CSF2RA: variants seen among roughly 807,000 people sequenced by gnomAD.
CSF2RA encodes the protein colony stimulating factor 2 receptor subunit alpha, also known as granulocyte-macrophage colony-stimulating factor receptor subunit alpha.
CSF2RA carries 42 observed loss-of-function variants against 51.6 expected under a neutral mutation model. The observed-to-expected ratio is 0.81, with a 90% confidence interval of 0.64 to 1.05. The LOEUF is 1.05. Among genes scored for constraint, CSF2RA ranks in the 50% least tolerant of loss-of-function variants. The pLI, the probability that CSF2RA is intolerant of heterozygous loss-of-function variation, is 0.00. For missense variants in CSF2RA, 530 were observed against 501.1 expected (o/e 1.06, Z -0.55); for synonymous variants, 222 against 193.0 (o/e 1.15, Z -1.24).
intron 7 of CSF2RA, among the ~76,000 whole-genome samples, chrX:1,292,310 A>G (rs1254545566): frequency 6.6e-6 from 1 of 152,226 alleles, no homozygotes; most frequent in Non-Finnish European, 1.5e-5. Flanking sequence ...GCCCTTCCAC[A>G]CATGTGGGTA....
the CSF2RA span, among the ~76,000 whole-genome samples, chrX:1,323,878 G>T: frequency 6.6e-6 from 1 of 152,016 alleles, no homozygotes; most frequent in Non-Finnish European, 1.5e-5. Context: ...GCCGGGCGTG[G>T]TGGTGGGCGC....
At chrX:1,277,855 T>G (rs1361709571) in intron 2 of CSF2RA, among the ~76,000 whole-genome samples, 1 of 148,526 alleles carries the variant, frequency 6.7e-6, no homozygotes, top group African/African-American at 2.5e-5. Context: ...TGCGTGCCTG[T>G]AGTCCCAGCT....
chrX:1,318,662 A>G, the CSF2RA span, among the ~76,000 whole-genome samples: 1 of 151,270 alleles, frequency 6.6e-6, no homozygotes, highest in Non-Finnish European at 1.5e-5. Flanking sequence ...TCACGCCTGT[A>G]ATCCCAACAC....
chrX:1,314,965 C>A (rs1470125282), downstream of CSF2RA, among the ~76,000 whole-genome samples: 1,383 of 54,718 alleles, frequency 0.025, 161 homozygotes, highest in African/African-American at 0.082. Context: ...CTGCCCAACC[C>A]CACTGTGCCT....
intron 2 of CSF2RA, among the ~76,000 whole-genome samples, chrX:1,278,171 T>C (rs1485200855): frequency 3.5e-5 from 5 of 143,262 alleles, no homozygotes; most frequent in African/African-American, 1.3e-4. Flanking sequence ...CCATCTCTAC[T>C]AAAAATACAA....
chrX:1,282,541 A>G lies in CSF2RA; in HGVS notation c.-26-137A>G, dbSNP rs28733318. Reference sequence around the variant, plus strand: ...GCCCTGCAGACCTTCCCAGCTGGCCATGACCCCTCATTTGACCAGGTCAGC... The same window carrying G: ...GCCCTGCAGACCTTCCCAGCTGGCCGTGACCCCTCATTTGACCAGGTCAGC... On this transcript the variant is annotated intron_variant, in intron 2 of 12. Transcript: ENST00000381529. The G allele has an allele frequency of 0.1, 76,337 of 747,374 alleles. 4,617 individuals carry two copies. Among genetic ancestry groups the G allele is most frequent in the Admixed American group, 0.17 (8,993 of 53,692 alleles). 46.3% of individuals were successfully genotyped at this position (747,374 alleles called of 1,614,324 possible).
intron 2 of CSF2RA, among the ~76,000 whole-genome samples, chrX:1,281,179 T>C (rs2089991455): frequency 8.2e-6 from 1 of 122,544 alleles, no homozygotes. Flanking sequence ...CTCCTTCTCC[T>C]CCTTCTCCTT....
intron 12 of CSF2RA, among the ~76,000 whole-genome samples, chrX:1,308,519 C>A (rs2083904931): frequency 6.6e-6 from 1 of 152,014 alleles, no homozygotes; most frequent in South Asian, 2.1e-4. Flanking sequence ...TGGCCCTCTC[C>A]CACCCACCTC....
At chrX:1,291,553 G>T (rs1487445223) in intron 7 of CSF2RA, among the ~76,000 whole-genome samples, 2 of 151,582 alleles carry the variant, frequency 1.3e-5, no homozygotes, top group African/African-American at 4.8e-5. Context: ...CAAGCCCACC[G>T]CATCCCACCC....
chrX:1,312,798 C>T (rs1286059998), downstream of CSF2RA, among the ~76,000 whole-genome samples: 3 of 152,064 alleles, frequency 2.0e-5, no homozygotes, highest in Admixed American at 1.3e-4. Flanking sequence ...AAACCCCAGC[C>T]GGCCCCTTGC....
chrX:1,309,598 C>A lies in CSF2RA; in HGVS notation c.*119C>A, dbSNP rs2084038094. On this transcript the variant is annotated 3_prime_UTR_variant, in exon 13 of 13. Transcript: ENST00000381529. ...TCTATGTTTTTATTTAAAAACATGA[C>A]ATTTGGGGCCAGGCGCGGTGGCTCA... The A allele has an allele frequency of 6.2e-7, 1 of 1,613,352 alleles. No individual in the cohort carries two copies. The highest frequency in any genetic ancestry group is 1.7e-5 in the Admixed American group (1 of 59,990).
downstream of CSF2RA, among the ~76,000 whole-genome samples, chrX:1,312,302 G>A (rs1394707415): frequency 3.3e-5 from 5 of 152,070 alleles, no homozygotes; most frequent in African/African-American, 1.2e-4. Flanking sequence ...ATCTCTCCAT[G>A]GCAATATCCC....
intron 2 of CSF2RA, 110 bp from the exon 3 acceptor site, chrX:1,282,568 G>A: frequency 1.2e-6 from 1 of 821,970 alleles, no homozygotes. Context: ...CAGGTCAGCG[G>A]CTGACCACCA....
At chrX:1,282,901 A>C in intron 3 of CSF2RA, 122 bp downstream of exon 3, 1 of 893,212 alleles carries the variant, frequency 1.1e-6, no homozygotes, top group Non-Finnish European at 1.9e-6. Flanking sequence ...GAGGGACCCA[A>C]TAAGCACCAG....
intron 10 of CSF2RA, among the ~76,000 whole-genome samples, chrX:1,301,658 G>A (rs1211532849): frequency 2.1e-5 from 3 of 143,032 alleles, no homozygotes; most frequent in African/African-American, 5.2e-5. Context: ...GTCCAGTGGC[G>A]CAATCTCGGC....
chrX:1,285,995 G>A (rs2090602663), intron 4 of CSF2RA, 75 bp downstream of exon 4: 5 of 1,596,676 alleles, frequency 3.1e-6, no homozygotes, highest in Non-Finnish European at 4.3e-6. Flanking sequence ...AGGGCCGGCT[G>A]GGCGCGGCGG....
chrX:1,300,029 A>G (rs1376010136), intron 9 of CSF2RA, among the ~76,000 whole-genome samples: 3 of 151,408 alleles, frequency 2.0e-5, no homozygotes, highest in Non-Finnish European at 4.4e-5. Flanking sequence ...CATCCTGGCC[A>G]ACATGGTGAA....
intron 12 of CSF2RA, among the ~76,000 whole-genome samples, chrX:1,308,221 A>G (rs2083874523): frequency 6.6e-6 from 1 of 152,100 alleles, no homozygotes; most frequent in African/African-American, 2.4e-5. Context: ...ATAACTGGGG[A>G]CTGTAGCCTA....
rs764788305 is a variant in CSF2RA, at chrX:1,269,110, AAAAAT to A, written c.-91+246_-91+250del. ...TGCAGGTTTTTAAAGGCAAAATTAA[AAAAAT>A]AAAATAAAATAAAAAGAGGGAGGTG... On this transcript the variant is annotated intron_variant, in intron 1 of 12. Transcript: ENST00000381529. Among the ~76,000 whole-genome samples, 936 of 152,210 alleles carry A rather than the reference AAAAAT, an allele frequency of 6.1e-3. 9 individuals are homozygous for A. The highest frequency in any genetic ancestry group is 0.02 in the African/African-American group (840 of 41,530).
Sources: gnomAD v4.1 joint callset for allele counts (sites outside exome capture counted in the v4.1 genomes callset) on GRCh38, gnomAD v4.1.1 for gene constraint, MANE v1.5 for transcripts, NCBI Gene and HGNC (gene_info 2026-07-23, HGNC 2026-07-21) for gene names.